IL23R: variants seen among roughly 807,000 people sequenced by gnomAD.
IL23R encodes interleukin-23 receptor.
A neutral mutation model predicts 56.9 loss-of-function variants in IL23R; 34 were observed. The observed-to-expected ratio is 0.60, with a 90% CI of 0.45 to 0.80. The LOEUF (loss-of-function observed/expected upper bound fraction) is 0.80, where lower values mean the gene tolerates loss of function less well. IL23R is among the 30% of genes least tolerant of loss of function. The pLI is 0.00. For synonymous variants in IL23R, 230 were observed against 249.2 expected (o/e 0.92, Z 0.73); for missense variants, 635 against 730.0 (o/e 0.87, Z 1.50).
intron 6 of IL23R, 93 bp from the exon 7 acceptor site, chr1:67,219,481 T>C (rs1237120224): frequency 5.0e-6 from 6 of 1,208,134 alleles, no homozygotes; most frequent in Non-Finnish European, 7.3e-6. Flanking sequence ...GAAGACAGCT[T>C]GGAACATAAT....
At position 67,259,524 on chromosome 1, in the gene IL23R, C is replaced by A. The variant is rs78691454; in HGVS notation, c.*396C>A. The A allele has an allele frequency of 8.3e-6, 2 of 240,518 alleles. No homozygotes were observed. The highest frequency in any genetic ancestry group is 1.6e-5 in the Non-Finnish European group (2 of 123,286). 14.9% of individuals were successfully genotyped at this position (240,518 alleles called of 1,614,324 possible). On this transcript the variant is annotated 3_prime_UTR_variant, in exon 11 of 11. Coordinates refer to ENST00000347310, the MANE Select transcript of IL23R (RefSeq NM_144701.3). ...AGGCACAAAAACAGCATTATGTGGA[C>A]GCCTCATGTATTTTTTATAGAGTCA...
At chr1:67,166,821 A>C (rs1394214601) in intron 1 of IL23R, among the ~76,000 whole-genome samples, 4 of 152,168 alleles carry the variant, frequency 2.6e-5, no homozygotes, top group Non-Finnish European at 5.9e-5. Context: ...AGGGATCCCT[A>C]TATTTCTGAG....
chr1:67,176,544 G>A (rs1647011569), intron 3 of IL23R, among the ~76,000 whole-genome samples: 1 of 151,988 alleles, frequency 6.6e-6, no homozygotes, highest in African/African-American at 2.4e-5. Flanking sequence ...AAGTTGATAA[G>A]TTTAATCAGG....
rs535012799 is a variant in IL23R, at chr1:67,217,327, CCTGA to C, written c.799-2246_799-2243del. On this transcript the variant is annotated intron_variant, in intron 6 of 10. Transcript: ENST00000347310. Reference sequence around the variant, plus strand: ...TCATTTTAGCCTCCAAAGATATCATCCTGAGGTATCATGTTGTACTTGCAGGGCC... The same window carrying C: ...TCATTTTAGCCTCCAAAGATATCATCGGTATCATGTTGTACTTGCAGGGCC... Among the ~76,000 whole-genome samples, 1,025 of 152,248 alleles carry C rather than the reference CCTGA, an allele frequency of 6.7e-3. 7 individuals carry two copies. The highest frequency in any genetic ancestry group is 0.011 in the Non-Finnish European group (770 of 68,008).
intron 9 of IL23R, among the ~76,000 whole-genome samples, chr1:67,255,574 G>A (rs1194130943): frequency 3.3e-5 from 5 of 151,852 alleles, no homozygotes; most frequent in African/African-American, 9.7e-5. Flanking sequence ...AAGTAGCTGG[G>A]ACCACAGGCA....
At chr1:67,248,675 T>C (rs997807322) in intron 9 of IL23R, among the ~76,000 whole-genome samples, 1 of 152,168 alleles carries the variant, frequency 6.6e-6, no homozygotes, top group African/African-American at 2.4e-5. Context: ...TTGTGATCCT[T>C]TGGAGGGGAA....
At position 67,209,157 on chromosome 1, in the gene IL23R, A is replaced by G. The variant is rs149001551; in HGVS notation, c.798+2102A>G. 5.3e-5 allele frequency among the ~76,000 whole-genome samples: 8 copies of G among 152,316 alleles called. No homozygotes were observed. In the East Asian group the frequency reaches 1.5e-3, roughly 29 times the overall value. On this transcript the variant is annotated intron_variant, in intron 6 of 10. Transcript: ENST00000347310. ...ACCTGTACCCTCATTGTATCTAGGAAGTAACTAACTTGCTTTTGATTTTAT... is the reference window on the plus strand; with the variant it reads ...ACCTGTACCCTCATTGTATCTAGGAGGTAACTAACTTGCTTTTGATTTTAT...
chr1:67,206,653 G>A (rs916374184), intron 5 of IL23R, among the ~76,000 whole-genome samples: 6 of 151,824 alleles, frequency 4.0e-5, no homozygotes, highest in Non-Finnish European at 5.9e-5. Flanking sequence ...GAAAGGTGGG[G>A]GAAAGACAGG....
intron 6 of IL23R, among the ~76,000 whole-genome samples, chr1:67,212,902 C>A (rs1449729836): frequency 2.0e-5 from 3 of 151,344 alleles, no homozygotes; most frequent in Non-Finnish European, 4.4e-5. Flanking sequence ...TAGACAGAGT[C>A]TCACTGTGTT....
chr1:67,246,305 G>A lies in IL23R; in HGVS notation c.1148+6024G>A, dbSNP rs547298162. Among the ~76,000 whole-genome samples the A allele has an allele frequency of 5.0e-3, 761 of 152,016 alleles. 2 individuals carry two copies. The highest frequency in any genetic ancestry group is 7.1e-3 in the Non-Finnish European group (480 of 67,960). ...TTTTTGAAGAGTTTTTCATGTCTCT[G>A]TCTCCTTCAGTGCTTCTCTGATCTT... On this transcript the variant is annotated intron_variant, in intron 9 of 10. Coordinates refer to ENST00000347310, the MANE Select transcript of IL23R (RefSeq NM_144701.3).
At chr1:67,141,295 G>A (rs1210855701) in intron 1 of IL23R, among the ~76,000 whole-genome samples, 2 of 152,090 alleles carry the variant, frequency 1.3e-5, no homozygotes, top group Non-Finnish European at 1.5e-5. Flanking sequence ...TTTTCTAAAT[G>A]CACAGACTAA....
intron 8 of IL23R, among the ~76,000 whole-genome samples, chr1:67,239,288 C>G (rs566280589): frequency 6.6e-6 from 1 of 152,144 alleles, no homozygotes; most frequent in Non-Finnish European, 1.5e-5. Context: ...TTTTGAGACA[C>G]AGTCTGGCTC....
At chr1:67,157,433 A>G (rs1646778861) in intron 1 of IL23R, among the ~76,000 whole-genome samples, 1 of 151,656 alleles carries the variant, frequency 6.6e-6, no homozygotes, top group South Asian at 2.1e-4. Flanking sequence ...TTCTTGGCTT[A>G]ATACCCTTCA....
At chr1:67,176,458 T>C (rs1647010270) in intron 3 of IL23R, among the ~76,000 whole-genome samples, 1 of 152,036 alleles carries the variant, frequency 6.6e-6, no homozygotes, top group Admixed American at 6.6e-5. Flanking sequence ...TTTTTTTTAT[T>C]CTTCCATTAC....
chr1:67,184,748 A>T (rs1647235310), intron 4 of IL23R, among the ~76,000 whole-genome samples: 1 of 152,120 alleles, frequency 6.6e-6, no homozygotes, highest in Non-Finnish European at 1.5e-5. Context: ...AGAGCTTTAT[A>T]AATGCTGCCT....
intron 3 of IL23R, among the ~76,000 whole-genome samples, chr1:67,181,712 A>G (rs1647145689): frequency 6.6e-6 from 1 of 151,920 alleles, no homozygotes; most frequent in Non-Finnish European, 1.5e-5. Flanking sequence ...AGGCGCTCTG[A>G]TTTTTAGAAT....
At chr1:67,169,220 C>A in intron 2 of IL23R, 122 bp from the exon 3 acceptor site, 4 of 639,640 alleles carry the variant, frequency 6.3e-6, no homozygotes, top group East Asian at 3.6e-5. Flanking sequence ...AGTCCTAAAA[C>A]TGTTTTCAAT....
chr1:67,264,372 A>G (rs6669582), downstream of IL23R, among the ~76,000 whole-genome samples: 52,611 of 152,152 alleles, frequency 0.35, 10,032 homozygotes, highest in African/African-American at 0.47. Flanking sequence ...CTCTGGAATT[A>G]TGCTGTGGTT....
At chr1:67,206,304 T>C (rs184474997) in intron 5 of IL23R, among the ~76,000 whole-genome samples, 2 of 152,098 alleles carry the variant, frequency 1.3e-5, no homozygotes, top group Non-Finnish European at 2.9e-5. Context: ...TGAGCCACCA[T>C]GCCCAGCCTT....
Sources: allele counts gnomAD v4.1 joint callset (sites outside exome capture counted in the v4.1 genomes callset), GRCh38; gene constraint gnomAD v4.1.1; transcripts MANE v1.5; gene names NCBI Gene and HGNC (gene_info 2026-07-23, HGNC 2026-07-21).